POLK: variants seen among roughly 807,000 people sequenced by gnomAD.
The protein encoded by POLK is polymerase (DNA directed) kappa.
In POLK, 76 loss-of-function variants were observed where a neutral mutation model predicts 94.0. That is an observed-to-expected ratio of 0.81 (90% CI 0.67 to 0.98). The LOEUF is 0.98. Among genes scored for constraint, POLK ranks in the 50% least tolerant of loss-of-function variants. POLK has a pLI of 0.00. For missense variants in POLK, 954 were observed against 1,010.1 expected (o/e 0.94, Z 0.75); for synonymous variants, 349 against 325.4 (o/e 1.07, Z -0.78).
At chr5:75,597,822 T>C (rs748064996) in intron 14 of POLK, 33 bp downstream of exon 14, 16 of 1,376,890 alleles carry the variant, frequency 1.2e-5, no homozygotes, top group Non-Finnish European at 1.6e-5. Context: ...TAAAGCTGGC[T>C]ACAATATGAA....
chr5:75,593,985 T>C (rs1772930044), exon 12 of POLK: 2 of 1,612,244 alleles, frequency 1.2e-6, no homozygotes, highest in Non-Finnish European at 1.7e-6. Context: ...TTGCCATTGC[T>C]AAGGAATTGC....
rs5744607 is a variant in POLK at position 75,553,204 on chromosome 5, A to C, written c.255+613A>C. 1.1e-3 allele frequency among the ~76,000 whole-genome samples: 161 copies of C among 152,264 alleles called. No individual in the cohort carries two copies. In the South Asian group the frequency reaches 0.033, roughly 31 times the overall value. On this transcript the variant is annotated intron_variant, in intron 3 of 14. Transcript: ENST00000241436. ...TTCCTCTTCTATTAAAAGTTATTTC[A>C]GGAGAAAAGTTTGGAAATATCCAAG... is the stretch of plus-strand genomic sequence containing the variant.
In POLK at chr5:75,552,572, TAAGAA is replaced by T; in HGVS notation, c.240_244del (p.Arg80SerfsTer6). 6.2e-7 allele frequency: 1 copy of T among 1,609,998 alleles called. No homozygotes were observed. The highest frequency in any genetic ancestry group is 8.5e-7 in the Non-Finnish European group (1 of 1,178,322). ...AAAGCTCAAATCACCAGCCAACAGC[TAAGAA>T]AAGCACAATTACAGGTATTAATTAA... On this transcript the variant is annotated frameshift_variant, in exon 3 of 15. Transcript: ENST00000241436. LOFTEE classifies it high-confidence loss of function.
At chr5:75,554,204 C>T (rs1037894408) in intron 3 of POLK, among the ~76,000 whole-genome samples, 5 of 152,068 alleles carry the variant, frequency 3.3e-5, no homozygotes, top group African/African-American at 1.2e-4. Flanking sequence ...GCCATGTGCC[C>T]AGCTGAAAAT....
rs528163627 is a variant in POLK, at chr5:75,594,429, A to G, written c.1528+380A>G. On this transcript the variant is annotated intron_variant, in intron 12 of 14. Coordinates refer to ENST00000241436, the Ensembl canonical transcript of POLK. ...TTAGTTATTAGACCCTGATGTGTGA[A>G]GCCATGATCATTAGTTTAATTCCAG... is the stretch of plus-strand genomic sequence containing the variant. Among the ~76,000 whole-genome samples the G allele has an allele frequency of 1.2e-4, 18 of 152,312 alleles. 1 individual carries two copies. The highest frequency in any genetic ancestry group is 3.3e-4 in the Admixed American group (5 of 15,296).
chr5:75,600,935 A>G (rs1773283566), exon 15 of POLK: 1 of 152,160 alleles, frequency 6.6e-6, no homozygotes, highest in African/African-American at 2.4e-5. Context: ...CTGTCCCCAG[A>G]ACCAGAATAA....
intron 3 of POLK, among the ~76,000 whole-genome samples, chr5:75,565,418 C>T (rs1341889587): frequency 6.6e-6 from 1 of 152,078 alleles, no homozygotes; most frequent in African/African-American, 2.4e-5. Flanking sequence ...CAGTTTTGTT[C>T]CCTTGCTGGC....
intron 4 of POLK, among the ~76,000 whole-genome samples, chr5:75,573,206 C>A (rs1771687055): frequency 6.6e-6 from 1 of 152,202 alleles, no homozygotes; most frequent in African/African-American, 2.4e-5. Flanking sequence ...AGTTCATGTC[C>A]TTTTTAGGGA....
chr5:75,576,881 G>T, exon 6 of POLK: 1 of 1,566,954 alleles, frequency 6.4e-7, no homozygotes, highest in African/African-American at 1.4e-5. Context: ...GACAAAATTG[G>T]CCTGAGGATA....
chr5:75,577,710 T>G (rs974913941), intron 6 of POLK, among the ~76,000 whole-genome samples: 3 of 152,174 alleles, frequency 2.0e-5, no homozygotes, highest in Admixed American at 6.5e-5. Context: ...GAGACCTGTT[T>G]GTAACTTTCC....
intron 1 of POLK, among the ~76,000 whole-genome samples, chr5:75,514,393 A>G (rs908879655): frequency 6.6e-6 from 1 of 152,234 alleles, no homozygotes; most frequent in African/African-American, 2.4e-5. Flanking sequence ...ACAAGGCCCA[A>G]GAAAAAAATC....
Position 75,559,877 on chromosome 5 carries a change from G to A in POLK, c.255+7286G>A, listed in dbSNP as rs572198543. On this transcript the variant is annotated intron_variant, in intron 3 of 14. Coordinates refer to ENST00000241436, the Ensembl canonical transcript of POLK. ...ACTCAAATTTATTCAACAGTCTTGG[G>A]GAAATACTAATTTAAGAAAACAAAA... Among the ~76,000 whole-genome samples the A allele has an allele frequency of 2.6e-5, 4 of 151,780 alleles. No individual in the cohort carries two copies. The East Asian group carries it at 7.8e-4, about 29-fold the overall frequency.
intron 7 of POLK, chr5:75,582,683 C>T (rs944404748): frequency 1.3e-5 from 2 of 152,282 alleles, no homozygotes; most frequent in Non-Finnish European, 2.9e-5. Context: ...CATGATGGCT[C>T]ACGCCTGTAA....
At chr5:75,512,191 G>A (rs80312370) in intron 1 of POLK, 1 of 177,576 alleles carries the variant, frequency 5.6e-6, no homozygotes, top group Admixed American at 6.0e-5. Context: ...CTAGTGCCAA[G>A]GGTTTTCTTT....
intron 1 of POLK, among the ~76,000 whole-genome samples, chr5:75,515,357 T>C (rs1200150230): frequency 1.3e-5 from 2 of 152,224 alleles, no homozygotes; most frequent in Non-Finnish European, 2.9e-5. Flanking sequence ...CAAATTTTTA[T>C]TCCATATATT....
chr5:75,568,256 G>A (rs575791218), intron 3 of POLK, among the ~76,000 whole-genome samples: 1 of 152,208 alleles, frequency 6.6e-6, no homozygotes, highest in South Asian at 2.1e-4. Context: ...CATGTACCAG[G>A]TACTGTTCTA....
intron 3 of POLK, among the ~76,000 whole-genome samples, chr5:75,560,626 A>G (rs186516207): frequency 3.3e-5 from 5 of 152,254 alleles, no homozygotes; most frequent in South Asian, 2.1e-4. Flanking sequence ...CTATCAACCC[A>G]TCATCTACAT....
At chr5:75,560,678 C>T (rs145650145) in intron 3 of POLK, among the ~76,000 whole-genome samples, 1 of 152,216 alleles carries the variant, frequency 6.6e-6, no homozygotes, top group African/African-American at 2.4e-5. Flanking sequence ...TGCCCACCAC[C>T]CCTCAACAGG....
At chr5:75,565,913 C>T (rs1771242427) in intron 3 of POLK, among the ~76,000 whole-genome samples, 1 of 152,250 alleles carries the variant, frequency 6.6e-6, no homozygotes, top group African/African-American at 2.4e-5. Context: ...ATCCGCTGCT[C>T]TCTTCAGAGC....
Sources: gnomAD v4.1 joint callset for allele counts (sites outside exome capture counted in the v4.1 genomes callset) on GRCh38, gnomAD v4.1.1 for gene constraint, MANE v1.5 for transcripts, NCBI Gene and HGNC (gene_info 2026-07-23, HGNC 2026-07-21) for gene names.